Variants in E2F8 observed in about 807,000 individuals in gnomAD.
E2F8 encodes transcription factor E2F8.
A neutral mutation model predicts 80.8 loss-of-function variants in E2F8; 35 were observed. That is an observed-to-expected ratio of 0.43 (90% CI 0.33 to 0.57). The LOEUF is 0.57. E2F8 is among the 20% of genes least tolerant of loss of function. The probability of loss-of-function intolerance (pLI) is 0.04; values close to 1 mark genes in which losing one functional copy is unlikely to be tolerated. For synonymous variants in E2F8, 386 were observed against 395.0 expected, an observed-to-expected ratio of 0.98 and a Z score of 0.27; for missense variants, 975 against 1,056.2, an observed-to-expected ratio of 0.92 and a Z score of 1.07.
chr11:19,240,169 G>A lies in E2F8; in HGVS notation c.-48C>T. On this transcript the variant is annotated 5_prime_UTR_variant, in exon 2 of 13. Transcript: ENST00000250024. ...AGAGTTTAAAAATGAAAAATCTGGA[G>A]TTCCTCCCCAAATCCCGATGGTTCA... The A allele has an allele frequency of 1.5e-6, 2 of 1,368,916 alleles. No homozygotes were observed. Among genetic ancestry groups the A allele is most frequent in the Non-Finnish European group, 2.0e-6 (2 of 1,014,276 alleles). The allele number at this position is 1,368,916 out of a possible 1,614,324, so 84.8% of individuals were successfully genotyped here.
Position 19,224,705 on chromosome 11 carries a change from A to G in E2F8, c.2557T>C (p.Phe853Leu), listed in dbSNP as rs773962323. 1.2e-6 allele frequency: 2 copies of G among 1,614,204 alleles called. No homozygotes were observed. The highest frequency in any genetic ancestry group is 4.5e-5 in the East Asian group (2 of 44,888). The change falls in exon 13 of 13, where the codon TTT becomes CTT. Residue 853 changes from phenylalanine (F) to leucine (L), a missense_variant. Physicochemically the swap from Phe to Leu is conservative, Grantham distance 22 (BLOSUM62 0). Transcript: ENST00000250024. ...GANKTSLGTL[F>L]VPQRKLEVST... ...ACTTCCAGTTTTCGCTGTGGGACAA[A>G]GAGAGTTCCTAAGGAGGTTTTATTA...
In E2F8 at chr11:19,237,438, G is replaced by A; in HGVS notation, c.327C>T (p.Ser109=). 6.2e-7 allele frequency: 1 copy of A among 1,613,878 alleles called. No individual in the cohort carries two copies. The highest frequency in any genetic ancestry group is 8.5e-7 in the Non-Finnish European group (1 of 1,179,948). ...AACTTTTCTCTTTTCGACTTGGTTGGGATTTCTCAAATTCATCTCCAGATA... is the reference window on the plus strand; with the variant it reads ...AACTTTTCTCTTTTCGACTTGGTTGAGATTTCTCAAATTCATCTCCAGATA... ...EHLSGDEFEK[S]QPSRKEKSLG... Residue 109 remains serine (S), a synonymous_variant, in exon 4 of 13, where the codon TCC becomes TCT. Transcript: ENST00000250024.
rs372801098 is a variant in E2F8, at chr11:19,230,864, C to T, written c.1067-30G>A. On this transcript the variant is annotated intron_variant, in intron 7 of 12. Transcript: ENST00000250024. Reference sequence around the variant, plus strand: ...AACAGAAAACGTCTGTGTATTAAAACCTGGATGGCTCAGTTGGCTTTTGGG... The same window carrying T: ...AACAGAAAACGTCTGTGTATTAAAATCTGGATGGCTCAGTTGGCTTTTGGG... 4 of 1,608,178 alleles carry T rather than the reference C, an allele frequency of 2.5e-6. No homozygotes were observed. In the African/African-American group the frequency reaches 5.4e-5, roughly 22 times the overall value.
At chr11:19,234,234 A>G in intron 6 of E2F8, 126 bp downstream of exon 6, 1 of 1,037,322 alleles carries the variant, frequency 9.6e-7, no homozygotes, top group East Asian at 2.4e-5. Flanking sequence ...TGGGGAGAAG[A>G]TATAAAAACA....
Position 19,240,178 on chromosome 11 carries a change from C to T in E2F8, c.-57G>A. On this transcript the variant is annotated 5_prime_UTR_variant, in exon 2 of 13. Coordinates refer to ENST00000250024, the MANE Select transcript of E2F8 (RefSeq NM_024680.4). The stretch of plus-strand genomic sequence containing the variant: ...AAATGAAAAATCTGGAGTTCCTCCC[C>T]AAATCCCGATGGTTCAAGTAGTCCA... 7.8e-7 allele frequency: 1 copy of T among 1,281,502 alleles called. No homozygotes were observed. Among genetic ancestry groups the T allele is most frequent in the Non-Finnish European group, 1.1e-6 (1 of 938,194 alleles). The allele number at this position is 1,281,502 out of a possible 1,614,324, so 79.4% of individuals were successfully genotyped here.
rs576632865 is a variant in E2F8 at position 19,229,743 on chromosome 11, G to A, written c.1604C>T (p.Thr535Met). 1.4e-4 allele frequency: 225 copies of A among 1,614,194 alleles called. No homozygotes were observed. Among genetic ancestry groups the A allele is most frequent in the South Asian group, 8.6e-4 (78 of 91,082 alleles). ...LQPTQAHQSV[T>M]PPQGLSPTVC... Reference sequence around the variant, plus strand: ...CGTTGGGCTCAGGCCTTGGGGTGGCGTCACACTTTGGTGGGCTTGAGTGGG... The same window carrying A: ...CGTTGGGCTCAGGCCTTGGGGTGGCATCACACTTTGGTGGGCTTGAGTGGG... The change falls in exon 10 of 13, where the codon ACG (threonine) becomes ATG (methionine). Residue 535 changes from threonine to methionine, a missense_variant. Coordinates refer to ENST00000250024, the MANE Select transcript of E2F8 (RefSeq NM_024680.4). This position sits in a 1 kb window ranked among gnomAD's most constrained non-coding sequence, Gnocchi z 4.3.
intron 10 of E2F8, among the ~76,000 whole-genome samples, chr11:19,228,154 C>G (rs890516992): frequency 6.6e-6 from 1 of 152,108 alleles, no homozygotes; most frequent in Non-Finnish European, 1.5e-5. Flanking sequence ...AAAATCTATC[C>G]ACTGAAAATC....
chr11:19,234,963 G>T lies in E2F8; in HGVS notation c.547C>A (p.Arg183=), dbSNP rs562160670. Reference sequence around the variant, plus strand: ...CCAAGGGTTTTGTTGAGATTGTGTCGCCCGTGCCAAGTGTACCTGTTTTTG... The same window carrying T: ...CCAAGGGTTTTGTTGAGATTGTGTCTCCCGTGCCAAGTGTACCTGTTTTTG... ...LAKNRYTWHG[R]HNLNKTLGTL... Residue 183 remains arginine (R), a synonymous_variant, in exon 5 of 13, where the codon CGA becomes AGA. Coordinates refer to ENST00000250024, the MANE Select transcript of E2F8 (RefSeq NM_024680.4). 12 of 1,614,082 alleles carry T rather than the reference G, an allele frequency of 7.4e-6. No individual in the cohort carries two copies. The African/African-American group carries it at 1.1e-4, about 14-fold the overall frequency.
In E2F8 at chr11:19,225,367, C is replaced by G. The variant is rs369363308; in HGVS notation, c.2275G>C (p.Val759Leu). 2 of 1,614,016 alleles carry G rather than the reference C, an allele frequency of 1.2e-6. No individual in the cohort carries two copies. The highest frequency in any genetic ancestry group is 8.5e-7 in the Non-Finnish European group (1 of 1,180,050). ...GACTCTATTCTTGGAGACACAGGAA[C>G]GATTCCAGACCCAGGGCTGGCAGAC... ...QLSASPGSGI[V>L]PVSPRIESVN... The change falls in exon 12 of 13, where the codon GTT (valine) becomes CTT (leucine). Residue 759 changes from valine (V) to leucine (L), a missense_variant. Val to Leu is a conservative substitution (Grantham distance 32). Transcript: ENST00000250024.
At chr11:19,237,517 A>G (rs769492098) in intron 3 of E2F8, 47 bp from the exon 4 acceptor site, 2 of 1,579,422 alleles carry the variant, frequency 1.3e-6, no homozygotes, top group South Asian at 2.3e-5. Context: ...ATAAAGTCTG[A>G]CAGATTTATT....
chr11:19,232,975 G>A (rs891512927), intron 6 of E2F8, among the ~76,000 whole-genome samples: 9 of 151,956 alleles, frequency 5.9e-5, no homozygotes, highest in Non-Finnish European at 1.3e-4. Context: ...ATTACAAATC[G>A]AGTCTCCTTC....
chr11:19,234,239 A>G (rs1464325313), intron 6 of E2F8, 121 bp downstream of exon 6: 1 of 1,152,744 alleles, frequency 8.7e-7, no homozygotes, highest in Non-Finnish European at 1.2e-6. Context: ...AGAAGATATA[A>G]AAACATAATT....
At chr11:19,226,202 G>T in intron 10 of E2F8, 1 of 239,966 alleles carries the variant, frequency 4.2e-6, no homozygotes, top group Non-Finnish European at 8.1e-6. Flanking sequence ...GGACTCCTTG[G>T]TATGATGTAG....
intron 2 of E2F8, among the ~76,000 whole-genome samples, chr11:19,239,040 T>C (rs753338533): frequency 6.6e-6 from 1 of 152,196 alleles, no homozygotes; most frequent in Non-Finnish European, 1.5e-5. Context: ...CTTCACACAC[T>C]ACTCCCATCT....
Position 19,237,980 on chromosome 11 carries a change from C to A in E2F8, c.168G>T (p.Pro56=), listed in dbSNP as rs140453196. The change falls in exon 3 of 13, where the codon CCG becomes CCT. Residue 56 remains proline, a synonymous_variant. Coordinates refer to ENST00000250024, the MANE Select transcript of E2F8 (RefSeq NM_024680.4). ...TTTTCAGGTTGGCTGTCGGTGTCCA[C>A]GGCTCTCCCTGAGAGCCTTCCTTGG... The part of the protein sequence containing the change: ...TKPKEGSQGE[P]WTPTANLKML... 6.2e-7 allele frequency: 1 copy of A among 1,614,154 alleles called. No homozygotes were observed. The highest frequency in any genetic ancestry group is 1.1e-5 in the South Asian group (1 of 91,074).
Position 19,229,947 on chromosome 11 carries a change from C to T in E2F8, c.1400G>A (p.Gly467Glu). The change falls in exon 10 of 13, where the codon GGA becomes GAA. Residue 467 changes from glycine (G) to glutamate (E), a missense_variant. Transcript: ENST00000250024. The surrounding 1 kb of genome is among the most constrained non-coding windows in gnomAD (Gnocchi z 4.3). ...QKVKVQLARS[G>E]PCKPVAPLDP... ...CAGAGGGGCTACTGGTTTGCAGGGT[C>T]CAGATCTTGCCAGCTGTACTTTCAC... The T allele has an allele frequency of 6.2e-7, 1 of 1,613,882 alleles. No individual in the cohort carries two copies. The highest frequency in any genetic ancestry group is 8.5e-7 in the Non-Finnish European group (1 of 1,179,950).
chr11:19,224,804 C>T lies in E2F8; in HGVS notation c.2458G>A (p.Ala820Thr). ...CCTGGGGTACGGAAGAAACTTTCGG[C>T]CACTAATTGTGACCCTTTGGGTGTC... ...PVTPKGSQLV[A>T]ESFFRTPGGP... The change falls in exon 13 of 13, where the codon GCC becomes ACC. Residue 820 changes from alanine (A) to threonine (T), a missense_variant. Ala to Thr is a moderately conservative substitution (Grantham distance 58, BLOSUM62 0). Transcript: ENST00000250024. 2 of 1,614,104 alleles carry T rather than the reference C, an allele frequency of 1.2e-6. No homozygotes were observed. Among genetic ancestry groups the T allele is most frequent in the Non-Finnish European group, 1.7e-6 (2 of 1,180,014 alleles).
In E2F8 at chr11:19,235,015, C is replaced by T. The variant is rs1346667165; in HGVS notation, c.495G>A (p.Glu165=). 1 of 1,613,080 alleles carries T rather than the reference C, an allele frequency of 6.2e-7. No individual in the cohort carries two copies. The highest frequency in any genetic ancestry group is 1.3e-5 in the African/African-American group (1 of 74,944). The change falls in exon 5 of 13, where the codon GAG becomes GAA. Residue 165 remains glutamate (E), a synonymous_variant. Transcript: ENST00000250024. ...CGAGGCGGCTCACCATATGTAAACTCTCTAGGACGTTCACGATATCGTAAA... is the reference window on the plus strand; with the variant it reads ...CGAGGCGGCTCACCATATGTAAACTTTCTAGGACGTTCACGATATCGTAAA... ...RRIYDIVNVL[E]SLHMVSRLAK... is the part of the protein sequence containing the mutation.
intron 4 of E2F8, among the ~76,000 whole-genome samples, chr11:19,236,178 G>A (rs931684324): frequency 2.0e-5 from 3 of 151,988 alleles, no homozygotes; most frequent in South Asian, 4.1e-4. Flanking sequence ...GCTTTGTACC[G>A]GCTGTTCCTT....
Sources: gnomAD v4.1 joint callset for allele counts (sites outside exome capture counted in the v4.1 genomes callset) on GRCh38, gnomAD v4.1.1 for gene constraint, Gnocchi (gnomAD v3.1) non-coding constraint, MANE v1.5 for transcripts, NCBI Gene and HGNC (gene_info 2026-07-23, HGNC 2026-07-21) for gene names.